The following GAREM1 variants were observed in gnomAD, a reference collection of about 807,000 sequenced individuals.
GAREM1 encodes the protein GRB2 associated regulator of MAPK1 subtype 1, also known as GRB2-associated and regulator of MAPK protein 1.
A neutral mutation model predicts 71.3 loss-of-function variants in GAREM1; 26 were observed. That is an observed-to-expected ratio of 0.36 (90% CI 0.27 to 0.51). The LOEUF is 0.51. Ranked by LOEUF, GAREM1 falls within the 20% of genes least tolerant of loss-of-function variation. The probability of loss-of-function intolerance (pLI) is 0.95; values close to 1 mark genes in which losing one functional copy is unlikely to be tolerated. For synonymous variants in GAREM1, 440 were observed against 433.2 expected, an observed-to-expected ratio of 1.02 and a Z score of -0.20; for missense variants, 1,026 against 1,103.1, an observed-to-expected ratio of 0.93 and a Z score of 0.99.
intron 3 of GAREM1, among the ~76,000 whole-genome samples, chr18:32,305,051 T>TA (rs572696340): frequency 0.012 from 1,826 of 149,516 alleles, 14 homozygotes; most frequent in Middle Eastern, 0.021. Flanking sequence ...CTATTACAGT[T>TA]AAAAAAAAAC....
intron 2 of GAREM1, among the ~76,000 whole-genome samples, chr18:32,350,767 T>A (rs1440464072): frequency 6.6e-6 from 1 of 152,120 alleles, no homozygotes; most frequent in Non-Finnish European, 1.5e-5. Flanking sequence ...AACAACCAAG[T>A]GATGGCCTTC....
At chr18:32,320,883 T>C (rs1317292769) in intron 2 of GAREM1, among the ~76,000 whole-genome samples, 1 of 152,236 alleles carries the variant, frequency 6.6e-6, no homozygotes, top group Non-Finnish European at 1.5e-5. Context: ...AAATTTATCA[T>C]AAACATGATG....
chr18:32,390,038 G>C (rs1033338828), intron 2 of GAREM1, among the ~76,000 whole-genome samples: 1 of 152,068 alleles, frequency 6.6e-6, no homozygotes, highest in Non-Finnish European at 1.5e-5. Context: ...GTAGTGCCAG[G>C]TACAAGCCTG....
intron 1 of GAREM1, among the ~76,000 whole-genome samples, chr18:32,439,564 T>TC (rs766253816): frequency 3.2e-4 from 49 of 151,954 alleles, no homozygotes; most frequent in Non-Finnish European, 5.0e-4. Context: ...TTGGACCTTA[T>TC]CCTGGGTCAT....
At chr18:32,345,466 G>A (rs919342137) in intron 2 of GAREM1, among the ~76,000 whole-genome samples, 1 of 152,112 alleles carries the variant, frequency 6.6e-6, no homozygotes, top group Non-Finnish European at 1.5e-5. Context: ...ATATAAATTA[G>A]ATAAAGATCA....
intron 1 of GAREM1, among the ~76,000 whole-genome samples, chr18:32,416,877 A>G (rs1404616194): frequency 6.6e-6 from 1 of 152,186 alleles, no homozygotes; most frequent in Non-Finnish European, 1.5e-5. Context: ...ATGGGGTCAC[A>G]TAAAGTAAGA....
At chr18:32,329,334 C>T (rs1300456063) in intron 2 of GAREM1, among the ~76,000 whole-genome samples, 1 of 151,902 alleles carries the variant, frequency 6.6e-6, no homozygotes, top group Non-Finnish European at 1.5e-5. Flanking sequence ...TATGATTGTG[C>T]CACTGCACTG....
At chr18:32,453,177 C>G (rs899799271) in intron 1 of GAREM1, among the ~76,000 whole-genome samples, 1 of 152,018 alleles carries the variant, frequency 6.6e-6, no homozygotes, top group African/African-American at 2.4e-5. Flanking sequence ...AAAGGGGAAA[C>G]CTCTTAAAAA....
At chr18:32,358,823 T>C (rs1042495009) in intron 2 of GAREM1, among the ~76,000 whole-genome samples, 2 of 152,120 alleles carry the variant, frequency 1.3e-5, no homozygotes, top group African/African-American at 4.8e-5. Flanking sequence ...ATCCAAACAA[T>C]GTATCTATTA....
intron 4 of GAREM1, among the ~76,000 whole-genome samples, chr18:32,285,191 G>C (rs951910768): frequency 6.6e-6 from 1 of 152,190 alleles, no homozygotes; most frequent in Admixed American, 6.5e-5. Flanking sequence ...CTCTGGGCTT[G>C]TGCCTGATGG....
intron 1 of GAREM1, among the ~76,000 whole-genome samples, chr18:32,464,300 GTCT>G (rs1347047721): frequency 6.6e-6 from 1 of 151,974 alleles, no homozygotes; most frequent in African/African-American, 2.4e-5. Flanking sequence ...AGATGTAAGT[GTCT>G]AAGCTCACTG....
chr18:32,435,516 T>G (rs16963360), intron 1 of GAREM1, among the ~76,000 whole-genome samples: 1 of 152,076 alleles, frequency 6.6e-6, no homozygotes, highest in East Asian at 1.9e-4. Flanking sequence ...CACATTTGTC[T>G]GCAGAACATC....
At chr18:32,273,920 TTTG>T (rs915370311) in intron 4 of GAREM1, among the ~76,000 whole-genome samples, 2 of 152,148 alleles carry the variant, frequency 1.3e-5, no homozygotes, top group African/African-American at 4.8e-5. Flanking sequence ...AGAAAGGTGT[TTTG>T]TTGTTGTTGT....
At chr18:32,439,377 T>C (rs2052757) in intron 1 of GAREM1, among the ~76,000 whole-genome samples, 34,149 of 152,116 alleles carry the variant, frequency 0.22, 4,461 homozygotes, top group East Asian at 0.4. Flanking sequence ...TGACATCAGA[T>C]AAGCACAGAA....
Position 32,470,400 on chromosome 18 carries a change from C to T in GAREM1, c.29G>A (p.Ser10Asn). MDPAPSLGC[S>N]LKDVKWSSVA... ...CGAGCTCCACTTCACATCCTTGAGG[C>T]TGCAGCCCAGCGAGGGCGCCGGGTC... Residue 10 changes from serine (S) to asparagine (N), a missense_variant, in exon 1 of 6, where the codon AGC (serine) becomes AAC (asparagine). Physicochemically the swap from Ser to Asn is conservative, Grantham distance 46. Around this residue, in one of 3 missense-constraint regions of GAREM1, gnomAD observed 172 missense variants for 175.2 expected, o/e 0.98. Coordinates refer to ENST00000269209, the MANE Select transcript of GAREM1 (RefSeq NM_001242409.2). This position sits in a 1 kb window ranked among gnomAD's most constrained non-coding sequence, Gnocchi z 4.4. 1 of 1,542,834 alleles carries T rather than the reference C, an allele frequency of 6.5e-7. No homozygotes were observed. The highest frequency in any genetic ancestry group is 8.7e-7 in the Non-Finnish European group (1 of 1,144,340).
intron 2 of GAREM1, among the ~76,000 whole-genome samples, chr18:32,329,366 A>G (rs575012346): frequency 1.4e-4 from 21 of 152,026 alleles, no homozygotes; most frequent in Admixed American, 3.9e-4. Context: ...ACGGAGCAAG[A>G]ACCTGTCTTG....
intron 2 of GAREM1, among the ~76,000 whole-genome samples, chr18:32,354,789 T>C (rs944657668): frequency 1.3e-5 from 2 of 152,108 alleles, no homozygotes; most frequent in Admixed American, 6.5e-5. Flanking sequence ...ACTGTTTAAA[T>C]GAATGTTTTG....
intron 2 of GAREM1, among the ~76,000 whole-genome samples, chr18:32,375,926 G>C (rs2048026466): frequency 6.6e-6 from 1 of 152,082 alleles, no homozygotes; most frequent in South Asian, 2.1e-4. Context: ...CTGCTGTGCA[G>C]CCACAAGTGG....
intron 2 of GAREM1, among the ~76,000 whole-genome samples, chr18:32,332,691 T>C (rs1446443866): frequency 6.6e-6 from 1 of 152,160 alleles, no homozygotes; most frequent in Non-Finnish European, 1.5e-5. Flanking sequence ...GTCCCTGCTG[T>C]GTCTCCTACC....
Sources: gnomAD v4.1 joint callset for allele counts (sites outside exome capture counted in the v4.1 genomes callset) on GRCh38, gnomAD v4.1.1 for gene constraint, gnomAD v4.1.1 regional missense constraint, Gnocchi (gnomAD v3.1) non-coding constraint, MANE v1.5 for transcripts, NCBI Gene and HGNC (gene_info 2026-07-23, HGNC 2026-07-21) for gene names.